ITGB5: variants seen among roughly 807,000 people sequenced by gnomAD.
ITGB5 encodes the protein integrin beta-5.
A neutral mutation model predicts 84.8 loss-of-function variants in ITGB5; 38 were observed. The observed-to-expected ratio is 0.45, with a 90% confidence interval of 0.35 to 0.59. The LOEUF is 0.59. Among genes scored for constraint, ITGB5 ranks in the 20% least tolerant of loss-of-function variants. The pLI is 0.01. For synonymous variants in ITGB5, 393 were observed against 414.4 expected (o/e 0.95, Z 0.63); for missense variants, 905 against 1,034.5 (o/e 0.87, Z 1.72).
chr3:124,892,691 TAA>T lies in ITGB5; in HGVS notation c.-255+8573_-255+8574del, dbSNP rs35455753. 8.0e-3 allele frequency among the ~76,000 whole-genome samples: 735 copies of T among 91,654 alleles called. 2 individuals carry two copies. Among genetic ancestry groups the T allele is most frequent in the African/African-American group, 0.027 (616 of 22,574 alleles). 60.1% of individuals were successfully genotyped at this position (91,654 alleles called of 152,430 possible). Reference sequence around the variant, plus strand: ...GCCTGGGTGACAGAGGGAGACTCTGTAAAAAAAAAAAAAAAAAAAAAAGTTAA... The same window carrying T: ...GCCTGGGTGACAGAGGGAGACTCTGTAAAAAAAAAAAAAAAAAAAAGTTAA... On this transcript the variant is annotated intron_variant, in intron 1 of 4. Transcript: ENST00000608657.
intron 10 of ITGB5, among the ~76,000 whole-genome samples, chr3:124,778,198 G>T (rs948068970): frequency 5.3e-5 from 8 of 152,204 alleles, no homozygotes; most frequent in African/African-American, 1.9e-4. Flanking sequence ...AAATCCCTGT[G>T]CAAGCTGTGA....
At chr3:124,859,862 C>T (rs139868296) in intron 2 of ITGB5, among the ~76,000 whole-genome samples, 1 of 152,128 alleles carries the variant, frequency 6.6e-6, no homozygotes, top group African/African-American at 2.4e-5. Flanking sequence ...GTGGGAGGAT[C>T]GCTTGAGATC....
chr3:124,877,844 C>T (rs1187579194), intron 1 of ITGB5, among the ~76,000 whole-genome samples: 1 of 124,412 alleles, frequency 8.0e-6, no homozygotes, highest in Admixed American at 7.7e-5. Context: ...CTGATCAAAG[C>T]CACATAATTT....
intron 1 of ITGB5, among the ~76,000 whole-genome samples, chr3:124,874,429 TC>T (rs1934212792): frequency 6.6e-6 from 1 of 152,132 alleles, no homozygotes. Context: ...TGCTATCCAG[TC>T]TAAAAATTTA....
chr3:124,763,687 G>GAGAT lies in ITGB5; in HGVS notation c.2332_2335dup (p.Ser779TyrfsTer41), dbSNP rs759566947. The GAGAT allele has an allele frequency of 1.2e-6, 2 of 1,610,048 alleles. No homozygotes were observed. The highest frequency in any genetic ancestry group is 1.1e-5 in the South Asian group (1 of 90,970). On this transcript the variant is annotated frameshift_variant, in exon 15 of 15. Coordinates refer to ENST00000296181, the MANE Select transcript of ITGB5 (RefSeq NM_002213.5). LOFTEE classifies it high-confidence loss of function. Reference sequence around the variant, plus strand: ...GAAGGTGAAGTCCACAGTGTGCGTGGAGATAGGCTTTCTGTATAATGGATT... The same window carrying GAGAT: ...GAAGGTGAAGTCCACAGTGTGCGTGGAGATAGATAGGCTTTCTGTATAATGGATT...
rs780546921 is a variant in ITGB5, at chr3:124,841,455, T to G, written c.708A>C (p.Lys236Asn). The part of the protein sequence containing the change: ...RVDSFNEEVR[K>N]QRVSRNRDAP... ...CATCTCGGTTCCGGGACACCCTCTG[T>G]TTCCGAACTTCCTCATTGAAGCTGT... Residue 236 changes from lysine (K) to asparagine (N), a missense_variant, in exon 5 of 15, where the codon AAA becomes AAC. By Grantham distance (94) the Lys-to-Asn change is moderately conservative. Transcript: ENST00000296181. The G allele has an allele frequency of 6.2e-7, 1 of 1,614,212 alleles. No homozygotes were observed. The highest frequency in any genetic ancestry group is 2.2e-5 in the East Asian group (1 of 44,886).
In ITGB5 at chr3:124,797,771, C is replaced by T. The variant is rs2064253177; in HGVS notation, c.1264-954G>A. ...GCCATGTGGGGTCTGAATCACCCAT[C>T]AGGGCCCTGAGAGCAAGTCACTGTG... On this transcript the variant is annotated intron_variant, in intron 9 of 14. Transcript: ENST00000296181. Among the ~76,000 whole-genome samples the T allele has an allele frequency of 3.9e-5, 6 of 152,274 alleles. No homozygotes were observed. The South Asian group carries it at 1.2e-3, about 32-fold the overall frequency.
At chr3:124,771,852 T>C (rs185476507) in intron 11 of ITGB5, among the ~76,000 whole-genome samples, 17 of 152,134 alleles carry the variant, frequency 1.1e-4, no homozygotes, top group Admixed American at 9.2e-4. Flanking sequence ...ATTAAGTCTA[T>C]GTCTTCTAAG....
intron 8 of ITGB5, 56 bp downstream of exon 8, chr3:124,817,565 C>T: frequency 2.1e-6 from 2 of 952,076 alleles, no homozygotes; most frequent in Non-Finnish European, 3.2e-6. Context: ...GCTGCAGGGC[C>T]TCAGTGGGAG....
At chr3:124,807,941 CAAAAAAAAAAAAAAAAAAAA>C (rs552552243) in intron 9 of ITGB5, among the ~76,000 whole-genome samples, 27 of 26,806 alleles carry the variant, frequency 1.0e-3, no homozygotes, top group East Asian at 4.5e-3. Context: ...GACTTCATCT[CAAAAAAAAAAAAAAAAAAAA>C]AAAAAAAAAA....
chr3:124,778,797 A>G (rs1193568354), intron 10 of ITGB5, among the ~76,000 whole-genome samples: 2 of 152,216 alleles, frequency 1.3e-5, no homozygotes, highest in African/African-American at 2.4e-5. Context: ...AAGAGATCAC[A>G]GTAGAGATGG....
intron 2 of ITGB5, chr3:124,862,553 CAT>C (rs2107622694): frequency 6.6e-6 from 1 of 152,368 alleles, no homozygotes; most frequent in South Asian, 2.1e-4. Flanking sequence ...CTGCTGGGAC[CAT>C]CAGGAGACTT....
chr3:124,843,692 A>G (rs1237115613), intron 4 of ITGB5, among the ~76,000 whole-genome samples: 1 of 152,138 alleles, frequency 6.6e-6, no homozygotes, highest in African/African-American at 2.4e-5. Flanking sequence ...ACCTGTGATG[A>G]GTTATCTGAC....
intron 7 of ITGB5, among the ~76,000 whole-genome samples, 172 bp from the exon 8 acceptor site, chr3:124,817,882 CAGA>C (rs1036525872): frequency 2.0e-5 from 3 of 152,218 alleles, no homozygotes; most frequent in Non-Finnish European, 2.9e-5. Flanking sequence ...AGAAATGGCA[CAGA>C]AGAAGAGTTG....
chr3:124,793,345 C>T (rs2064176392), intron 10 of ITGB5, among the ~76,000 whole-genome samples: 2 of 152,148 alleles, frequency 1.3e-5, no homozygotes, highest in African/African-American at 4.8e-5. Flanking sequence ...GTCACGTTTG[C>T]TAATATCTCT....
At chr3:124,798,553 G>A (rs763671669) in intron 9 of ITGB5, among the ~76,000 whole-genome samples, 57 of 151,962 alleles carry the variant, frequency 3.8e-4, no homozygotes, top group Non-Finnish European at 6.6e-4. Flanking sequence ...TCAAATAGCT[G>A]GGATTACAGG....
rs1934318503 is a variant in ITGB5 at position 124,876,442 on chromosome 3, G to T, written c.71-2911C>A. Reference sequence around the variant, plus strand: ...ACTCCCTGCTTCTCCTTTGTCACTAGCAGTAAAAACTCACAGAAATCGCAA... The same window carrying T: ...ACTCCCTGCTTCTCCTTTGTCACTATCAGTAAAAACTCACAGAAATCGCAA... On this transcript the variant is annotated intron_variant, in intron 1 of 14. Coordinates refer to ENST00000296181, the MANE Select transcript of ITGB5 (RefSeq NM_002213.5). Among the ~76,000 whole-genome samples, 4 of 152,240 alleles carry T rather than the reference G, an allele frequency of 2.6e-5. No homozygotes were observed. In the South Asian group the frequency reaches 8.3e-4, roughly 32 times the overall value.
At chr3:124,797,602 T>TGGATGGGTGGCAGATGGTGCGGGAG (rs2064251091) in intron 9 of ITGB5, among the ~76,000 whole-genome samples, 1 of 152,190 alleles carries the variant, frequency 6.6e-6, no homozygotes, top group African/African-American at 2.4e-5. Flanking sequence ...AAGGTGGGCC[T>TGGATGGGTGGCAGATGGTGCGGGAG]GGATGGGTGG....
chr3:124,853,801 G>A (rs182031839), intron 3 of ITGB5, among the ~76,000 whole-genome samples: 1 of 152,156 alleles, frequency 6.6e-6, no homozygotes, highest in East Asian at 1.9e-4. Flanking sequence ...CTATCATTGA[G>A]GACAGCGGAG....
Sources: allele counts gnomAD v4.1 joint callset (sites outside exome capture counted in the v4.1 genomes callset), GRCh38; gene constraint gnomAD v4.1.1; transcripts MANE v1.5; gene names NCBI Gene and HGNC (gene_info 2026-07-23, HGNC 2026-07-21).